Variants in KATNA1 observed in about 807,000 individuals in gnomAD.
KATNA1 encodes the protein katanin p60 ATPase-containing subunit A1.
In KATNA1, 42 loss-of-function variants were observed where a neutral mutation model predicts 62.6. The ratio of observed to expected loss-of-function variants is 0.67; its 90% confidence interval spans 0.52 to 0.87. KATNA1 has a LOEUF of 0.87. Ranked by LOEUF, KATNA1 falls within the 40% of genes least tolerant of loss-of-function variation. KATNA1 has a pLI of 0.00. For missense variants in KATNA1, 498 were observed against 612.5 expected, an observed-to-expected ratio of 0.81 and a Z score of 1.97; for synonymous variants, 186 against 201.9, an observed-to-expected ratio of 0.92 and a Z score of 0.67.
intron 4 of KATNA1, among the ~76,000 whole-genome samples, chr6:149,622,294 A>C (rs1031443161): frequency 1.3e-5 from 2 of 151,980 alleles, no homozygotes; most frequent in African/African-American, 4.8e-5. Flanking sequence ...CACCACGGCT[A>C]ATTTTTAGTA....
At chr6:149,607,962 A>C (rs1396991974) in intron 4 of KATNA1, among the ~76,000 whole-genome samples, 1 of 152,142 alleles carries the variant, frequency 6.6e-6, no homozygotes. Context: ...GCTGCTCGGG[A>C]GGCTGAGGCA....
chr6:149,616,678 C>T (rs866332131), intron 4 of KATNA1, among the ~76,000 whole-genome samples: 3 of 152,028 alleles, frequency 2.0e-5, no homozygotes, highest in African/African-American at 4.8e-5. Context: ...CACTTGAACC[C>T]GGTAAGCGGA....
At chr6:149,637,998 C>G (rs550940742) in intron 2 of KATNA1, among the ~76,000 whole-genome samples, 1 of 152,020 alleles carries the variant, frequency 6.6e-6, no homozygotes, top group East Asian at 1.9e-4. Flanking sequence ...ATTTTTGAGA[C>G]AAGGTCTAGC....
intron 1 of KATNA1, among the ~76,000 whole-genome samples, chr6:149,638,942 T>C (rs1055593415): frequency 4.0e-5 from 6 of 151,824 alleles, no homozygotes; most frequent in African/African-American, 1.4e-4. Context: ...TTTCACCATG[T>C]TGGCCAGGCT....
chr6:149,631,343 G>A (rs1053477991), intron 3 of KATNA1: 3 of 152,190 alleles, frequency 2.0e-5, no homozygotes, highest in Admixed American at 6.5e-5. Context: ...AGGTTGCAGT[G>A]AGCCGAGATC....
chr6:149,613,179 CAAAAAAAAAAAAAAAAAAAAA>C (rs71270309), intron 4 of KATNA1, among the ~76,000 whole-genome samples: 130 of 12,574 alleles, frequency 0.01, 1 homozygote, highest in Admixed American at 0.03. Flanking sequence ...GACTCTGTCT[CAAAAAAAAAAAAAAAAAAAAA>C]AAAAAAAAAA....
At chr6:149,605,394 G>A (rs1324279321) in intron 4 of KATNA1, among the ~76,000 whole-genome samples, 4 of 152,136 alleles carry the variant, frequency 2.6e-5, no homozygotes, top group Non-Finnish European at 5.9e-5. Context: ...ATCCTTTAGA[G>A]GAGATAAGAT....
intron 3 of KATNA1, among the ~76,000 whole-genome samples, chr6:149,629,886 G>A (rs1779765576): frequency 6.6e-6 from 1 of 152,104 alleles, no homozygotes; most frequent in African/African-American, 2.4e-5. Context: ...ACCTATCTTA[G>A]CTTATCCTCA....
At chr6:149,605,275 C>T (rs1778694719) in intron 4 of KATNA1, among the ~76,000 whole-genome samples, 1 of 151,382 alleles carries the variant, frequency 6.6e-6, no homozygotes. Context: ...TCAAAAGTAT[C>T]AAAGAAAAAT....
chr6:149,623,540 C>T (rs1448580501), intron 3 of KATNA1, among the ~76,000 whole-genome samples: 2 of 152,016 alleles, frequency 1.3e-5, no homozygotes, highest in Non-Finnish European at 2.9e-5. Context: ...AGTTCAAGAC[C>T]AGCCTGGCCA....
At chr6:149,623,882 G>A (rs1357415193) in intron 3 of KATNA1, among the ~76,000 whole-genome samples, 1 of 152,126 alleles carries the variant, frequency 6.6e-6, no homozygotes, top group South Asian at 2.1e-4. Flanking sequence ...GTATATCAAA[G>A]ATGAATGCAT....
chr6:149,604,230 G>A (rs1486339211), intron 5 of KATNA1, among the ~76,000 whole-genome samples: 1 of 152,120 alleles, frequency 6.6e-6, no homozygotes, highest in Non-Finnish European at 1.5e-5. Context: ...CTAGCACTTT[G>A]GGAGGCTGAG....
chr6:149,635,898 T>C (rs1780048563), intron 2 of KATNA1, among the ~76,000 whole-genome samples: 1 of 146,730 alleles, frequency 6.8e-6, no homozygotes, highest in South Asian at 2.2e-4. Context: ...CTACTAAAAA[T>C]ACAAAAATTA....
At chr6:149,637,629 C>T (rs1384493701) in intron 2 of KATNA1, among the ~76,000 whole-genome samples, 1 of 152,124 alleles carries the variant, frequency 6.6e-6, no homozygotes, top group African/African-American at 2.4e-5. Context: ...GAGTTCAACA[C>T]CAGCCTGGCC....
At chr6:149,607,839 G>A (rs1336319044) in intron 4 of KATNA1, among the ~76,000 whole-genome samples, 1 of 152,126 alleles carries the variant, frequency 6.6e-6, no homozygotes, top group Non-Finnish European at 1.5e-5. Flanking sequence ...GCAGAGGCAG[G>A]CAGATCACCT....
chr6:149,597,070 CG>C lies in KATNA1; in HGVS notation c.1269del (p.Asn423LysfsTer8). Reference protein sequence around the residue: ...MEGYSGADITNVCRDASLMAM... With the variant: ...MEGYSGADITXVCRDASLMAM... The stretch of plus-strand genomic sequence containing the variant: ...TTCCATGATAATTCATACCTGCACA[CG>C]TTGGTAATGTCCGCACCTGAATAAC... On this transcript the variant is annotated frameshift_variant, in exon 10 of 11. Transcript: ENST00000367411. LOFTEE classifies it high-confidence loss of function. 1 of 1,613,980 alleles carries C rather than the reference CG, an allele frequency of 6.2e-7. No individual in the cohort carries two copies. Among genetic ancestry groups the C allele is most frequent in the Admixed American group, 1.7e-5 (1 of 59,954 alleles).
At chr6:149,608,015 A>C (rs1350176001) in intron 4 of KATNA1, among the ~76,000 whole-genome samples, 1 of 152,118 alleles carries the variant, frequency 6.6e-6, no homozygotes, top group Non-Finnish European at 1.5e-5. Context: ...GCAGTAAGCC[A>C]AGATCAGGCC....
At chr6:149,641,847 G>C (rs1015927258) in intron 1 of KATNA1, among the ~76,000 whole-genome samples, 1 of 152,174 alleles carries the variant, frequency 6.6e-6, no homozygotes, top group African/African-American at 2.4e-5. Context: ...AACAAGCACA[G>C]ACAGGAGTGA....
At chr6:149,631,564 C>CAAAAAAAAAAA (rs11436870) in intron 3 of KATNA1, 5 of 140,418 alleles carry the variant, frequency 3.6e-5, no homozygotes, top group Non-Finnish European at 4.6e-5. Context: ...ACAAAAAAAA[C>CAAAAAAAAAAA]AAAAAAAAAA....
Sources: gnomAD v4.1 joint callset for allele counts (sites outside exome capture counted in the v4.1 genomes callset) on GRCh38, gnomAD v4.1.1 for gene constraint, MANE v1.5 for transcripts, NCBI Gene and HGNC (gene_info 2026-07-23, HGNC 2026-07-21) for gene names.